The following FBXL4 variants were observed in gnomAD, a reference collection of about 807,000 sequenced individuals.
FBXL4 encodes the protein F-box and leucine rich repeat protein 4.
In FBXL4, 40 loss-of-function variants were observed where a neutral mutation model predicts 58.9. That is an observed-to-expected ratio of 0.68 (90% confidence interval 0.53 to 0.88). The LOEUF (loss-of-function observed/expected upper bound fraction) is 0.88. FBXL4 is among the 40% of genes least tolerant of loss of function. The probability of loss-of-function intolerance (pLI) is 0.00; values close to 1 mark genes in which losing one functional copy is unlikely to be tolerated. For synonymous variants in FBXL4, 263 were observed against 265.5 expected (o/e 0.99, Z 0.09); for missense variants, 676 against 734.4 (o/e 0.92, Z 0.92).
chr6:98,945,629 A>T (rs576359972), intron 1 of FBXL4, among the ~76,000 whole-genome samples: 2 of 152,204 alleles, frequency 1.3e-5, no homozygotes, highest in Admixed American at 1.3e-4. Flanking sequence ...ATTATATTTT[A>T]GATATCCAGT....
At chr6:98,883,695 T>A (rs1328204713) in intron 7 of FBXL4, among the ~76,000 whole-genome samples, 1 of 151,900 alleles carries the variant, frequency 6.6e-6, no homozygotes, top group African/African-American at 2.4e-5. Context: ...CTTTCTGTCA[T>A]ATATAAGGTT....
intron 1 of FBXL4, among the ~76,000 whole-genome samples, chr6:98,941,456 T>C (rs1218618918): frequency 1.3e-5 from 2 of 152,108 alleles, no homozygotes; most frequent in African/African-American, 2.4e-5. Context: ...CACAAGGAAT[T>C]TTTAGGATGA....
chr6:98,874,218 C>G lies in FBXL4; in HGVS notation c.*60G>C, dbSNP rs148574319. 3 of 1,376,122 alleles carry G rather than the reference C, an allele frequency of 2.2e-6. No homozygotes were observed. Among genetic ancestry groups the G allele is most frequent in the Non-Finnish European group, 2.9e-6 (3 of 1,037,458 alleles). 85.2% of individuals were successfully genotyped at this position (1,376,122 alleles called of 1,614,324 possible). On this transcript the variant is annotated 3_prime_UTR_variant, in exon 10 of 10. Coordinates refer to ENST00000369244, the MANE Select transcript of FBXL4 (RefSeq NM_001278716.2). The stretch of plus-strand genomic sequence containing the variant: ...AAACAACTAAAAACAAAACCCAAAA[C>G]CAATCCCAAAATTAAACCCCAACAA...
chr6:98,916,501 G>C (rs1194324632), intron 5 of FBXL4, among the ~76,000 whole-genome samples: 1 of 151,980 alleles, frequency 6.6e-6, no homozygotes, highest in African/African-American at 2.4e-5. Context: ...AAAATGATGA[G>C]TTCATGTCCT....
In FBXL4 at chr6:98,888,339, A is replaced by C. The variant is rs140380589; in HGVS notation, c.1318-7715T>G. 3.9e-5 allele frequency among the ~76,000 whole-genome samples: 6 copies of C among 152,366 alleles called. No homozygotes were observed. The East Asian group carries it at 1.2e-3, about 29-fold the overall frequency. ...AGAGCCCATAGGGCCTGCAAGGCCT[A>C]AAGTATTTACTACCTAGCCCTTCAC... On this transcript the variant is annotated intron_variant, in intron 7 of 9. Transcript: ENST00000369244.
At chr6:98,897,368 G>A in intron 7 of FBXL4, 1 of 982,430 alleles carries the variant, frequency 1.0e-6, no homozygotes, top group Non-Finnish European at 1.2e-6. Flanking sequence ...AATATCATCT[G>A]GCATTCAGGG....
chr6:98,921,658 T>C (rs1772586432), intron 4 of FBXL4, among the ~76,000 whole-genome samples: 1 of 152,148 alleles, frequency 6.6e-6, no homozygotes, highest in Admixed American at 6.5e-5. Flanking sequence ...TTGGCCCACA[T>C]GACCAAGGTC....
At chr6:98,899,076 A>T in intron 7 of FBXL4, 192 bp downstream of exon 7, 1 of 985,350 alleles carries the variant, frequency 1.0e-6, no homozygotes, top group Non-Finnish European at 1.2e-6. Context: ...ACATTTCCTT[A>T]TAATTTAAAA....
At chr6:98,912,708 G>A (rs934746814) in intron 5 of FBXL4, among the ~76,000 whole-genome samples, 1 of 152,056 alleles carries the variant, frequency 6.6e-6, no homozygotes, top group East Asian at 1.9e-4. Flanking sequence ...ACCGGTACCA[G>A]CTGCTGCAAA....
chr6:98,877,835 C>T (rs1399621872), intron 8 of FBXL4, among the ~76,000 whole-genome samples: 1 of 152,068 alleles, frequency 6.6e-6, no homozygotes, highest in East Asian at 1.9e-4. Flanking sequence ...GGAATTTAAA[C>T]TTTTTAAAGT....
chr6:98,926,500 G>A lies in FBXL4; in HGVS notation c.489C>T (p.Ser163=). The change falls in exon 4 of 10, where the codon TCC becomes TCT. Residue 163 remains serine, a synonymous_variant. Transcript: ENST00000369244. Reference sequence around the variant, plus strand: ...ACCTTACTTCAGCTGGTGGATTTGGGGAATAAGGATTTGCAGAACAAGCGA... The same window carrying A: ...ACCTTACTTCAGCTGGTGGATTTGGAGAATAAGGATTTGCAGAACAAGCGA... The part of the protein sequence containing the change: ...RILACSANPY[S]PNPPAEVRWE... The A allele has an allele frequency of 6.2e-7, 1 of 1,608,362 alleles. No homozygotes were observed. Among genetic ancestry groups the A allele is most frequent in the Non-Finnish European group, 8.5e-7 (1 of 1,175,882 alleles).
chr6:98,942,757 T>C (rs772669396), intron 1 of FBXL4, among the ~76,000 whole-genome samples: 12 of 151,982 alleles, frequency 7.9e-5, no homozygotes, highest in Non-Finnish European at 1.8e-4. Context: ...ATATTACAAC[T>C]ATAGAAAAGA....
At chr6:98,925,740 AC>A (rs1345257920) in intron 4 of FBXL4, among the ~76,000 whole-genome samples, 2 of 152,236 alleles carry the variant, frequency 1.3e-5, no homozygotes, top group African/African-American at 4.8e-5. Context: ...AAATATGCTT[AC>A]TTTTGTGTAT....
intron 4 of FBXL4, among the ~76,000 whole-genome samples, chr6:98,920,397 G>T (rs1002031438): frequency 1.3e-5 from 2 of 151,958 alleles, no homozygotes; most frequent in African/African-American, 4.8e-5. Flanking sequence ...ATCAGAATCT[G>T]CAAAAATTAT....
intron 2 of FBXL4, among the ~76,000 whole-genome samples, chr6:98,930,344 C>T (rs1007679976): frequency 1.3e-5 from 2 of 152,198 alleles, no homozygotes; most frequent in Non-Finnish European, 2.9e-5. Context: ...CACTTGAGCC[C>T]GCCGGGGCGG....
intron 7 of FBXL4, among the ~76,000 whole-genome samples, chr6:98,883,834 T>C (rs1770936624): frequency 6.6e-6 from 1 of 151,502 alleles, no homozygotes; most frequent in Admixed American, 6.6e-5. Context: ...CAAATAGCTT[T>C]TCCTCATTCT....
intron 1 of FBXL4, among the ~76,000 whole-genome samples, chr6:98,943,695 G>C (rs967581505): frequency 6.6e-6 from 1 of 151,434 alleles, no homozygotes; most frequent in African/African-American, 2.4e-5. Context: ...TGAAAGGCAA[G>C]TAAAGCAAAA....
At chr6:98,944,834 G>C (rs1233947159) in intron 1 of FBXL4, among the ~76,000 whole-genome samples, 1 of 152,180 alleles carries the variant, frequency 6.6e-6, no homozygotes, top group African/African-American at 2.4e-5. Context: ...TCATCTGCTA[G>C]TGTCACTGGG....
At chr6:98,894,632 T>C (rs997204966) in intron 7 of FBXL4, among the ~76,000 whole-genome samples, 30 of 152,312 alleles carry the variant, frequency 2.0e-4, no homozygotes, top group African/African-American at 7.2e-4. Flanking sequence ...GCTTACTGTA[T>C]ACCCGTCCAT....
Sources: gnomAD v4.1 joint callset for allele counts (sites outside exome capture counted in the v4.1 genomes callset) on GRCh38, gnomAD v4.1.1 for gene constraint, MANE v1.5 for transcripts, NCBI Gene and HGNC (gene_info 2026-07-23, HGNC 2026-07-21) for gene names.